Variants in CHAF1B observed in about 807,000 individuals in gnomAD.
CHAF1B encodes the protein chromatin assembly factor 1 subunit B.
In CHAF1B, 10 loss-of-function variants were observed where a neutral mutation model predicts 60.7. The ratio of observed to expected loss-of-function variants is 0.16; its 90% CI spans 0.10 to 0.28. The LOEUF is 0.28. CHAF1B is among the 10% of genes least tolerant of loss of function. CHAF1B has a pLI of 1.00. For missense variants in CHAF1B, 558 were observed against 708.4 expected (o/e 0.79, Z 2.41); for synonymous variants, 261 against 266.1 (o/e 0.98, Z 0.19).
chr21:36,400,335 C>T (rs866010911), intron 7 of CHAF1B, among the ~76,000 whole-genome samples: 19 of 150,786 alleles, frequency 1.3e-4, no homozygotes, highest in Non-Finnish European at 1.6e-4. Context: ...TAAAATTAGC[C>T]GGGTGCATGC....
intron 8 of CHAF1B, among the ~76,000 whole-genome samples, chr21:36,405,303 A>G (rs1448028973): frequency 1.3e-5 from 2 of 152,216 alleles, no homozygotes; most frequent in East Asian, 3.8e-4. Context: ...ATGGCTGGAT[A>G]TTATAAAATA....
At chr21:36,391,907 A>ATGTTTTT (rs2086092077) in intron 4 of CHAF1B, among the ~76,000 whole-genome samples, 1 of 67,052 alleles carries the variant, frequency 1.5e-5, no homozygotes, top group Non-Finnish European at 2.5e-5. Flanking sequence ...TGATTTTTAA[A>ATGTTTTT]TTTTTTTTTT....
At position 36,386,219 on chromosome 21, in the gene CHAF1B, G is replaced by A; in HGVS notation, c.83G>A (p.Arg28Lys). 1.9e-6 allele frequency: 3 copies of A among 1,614,212 alleles called. No individual in the cohort carries two copies. The highest frequency in any genetic ancestry group is 2.5e-6 in the Non-Finnish European group (3 of 1,180,030). ...GACTTCCAGCATGGGACGGCTGGGAGGATCCACAGACTGGCGTCTGCCGGC... is the reference window on the plus strand; with the variant it reads ...GACTTCCAGCATGGGACGGCTGGGAAGATCCACAGACTGGCGTCTGCCGGC... Reference protein sequence around the residue: ...SLDFQHGTAGRIHRLASAGVD... With the variant: ...SLDFQHGTAGKIHRLASAGVD... Residue 28 changes from arginine to lysine, a missense_variant, in exon 2 of 14, where the codon AGG becomes AAG. Arg to Lys is a conservative substitution (Grantham distance 26). Transcript: ENST00000314103.
chr21:36,398,458 C>T (rs2086161012), intron 6 of CHAF1B, among the ~76,000 whole-genome samples: 2 of 152,140 alleles, frequency 1.3e-5, no homozygotes. Context: ...CTCCTAGGTT[C>T]AAGCGATTCT....
chr21:36,415,854 G>A (rs775621829), intron 13 of CHAF1B: 4 of 356,194 alleles, frequency 1.1e-5, no homozygotes, highest in Non-Finnish European at 1.6e-5. Flanking sequence ...CCACGTTCAA[G>A]CAATTCTCCT....
rs771398554 is a variant in CHAF1B at position 36,397,455 on chromosome 21, C to A, written c.522C>A (p.Val174=). The A allele has an allele frequency of 5.1e-6, 8 of 1,565,240 alleles. No individual in the cohort carries two copies. The highest frequency in any genetic ancestry group is 7.0e-6 in the Non-Finnish European group (8 of 1,146,282). ...ISIFNEHKSY[V]QGVTWDPLGQ... The stretch of plus-strand genomic sequence containing the variant: ...TTTTTAATGAACATAAAAGTTATGT[C>A]CAAGGAGTAACCTGGGACCCTTTGG... Residue 174 remains valine (V), a synonymous_variant, in exon 6 of 14, where the codon GTC becomes GTA. Transcript: ENST00000314103.
At chr21:36,397,836 T>C (rs149432437) in intron 6 of CHAF1B, 1,704 of 160,938 alleles carry the variant, frequency 0.011, 34 homozygotes, top group African/African-American at 0.039. Context: ...CAAGCGATTC[T>C]CCTGTCTCAG....
Position 36,418,653 on chromosome 21 carries a change from A to G in CHAF1B, c.*2287A>G, listed in dbSNP as rs2086334952. On this transcript the variant is annotated 3_prime_UTR_variant, in exon 14 of 14. Transcript: ENST00000314103. ...CACTTGAGGTTGGGAGTTTGAGACC[A>G]GCCTGGCCAACATGGTGGAACCCCA... 1 of 152,104 alleles carries G rather than the reference A, an allele frequency of 6.6e-6. No homozygotes were observed. The highest frequency in any genetic ancestry group is 2.4e-5 in the African/African-American group (1 of 41,398). The allele number at this position is 152,104 out of a possible 1,614,324, so 9.4% of individuals were successfully genotyped here.
Position 36,413,146 on chromosome 21 carries a change from G to A in CHAF1B, c.1324G>A (p.Ala442Thr), listed in dbSNP as rs763354487. Residue 442 changes from alanine (A) to threonine (T), a missense_variant, in exon 12 of 14, where the codon GCC becomes ACC. Physicochemically the swap from Ala to Thr is moderately conservative, Grantham distance 58 (BLOSUM62 0). Around this residue, in one of 2 missense-constraint regions of CHAF1B, gnomAD observed 233 missense variants for 214.9 expected, o/e 1.08. Coordinates refer to ENST00000314103, the MANE Select transcript of CHAF1B (RefSeq NM_005441.3). ...TCCCCCTCAGGCCAGACAGGCCCCA[G>A]CCCCAACAGTCATCAGGGACCCTCC... is the stretch of plus-strand genomic sequence containing the variant. ...TTPPQARQAP[A>T]PTVIRDPPSI... 1.2e-6 allele frequency: 2 copies of A among 1,613,802 alleles called. No homozygotes were observed. The highest frequency in any genetic ancestry group is 1.7e-6 in the Non-Finnish European group (2 of 1,179,968).
intron 6 of CHAF1B, among the ~76,000 whole-genome samples, chr21:36,399,067 C>T (rs976385919): frequency 3.4e-5 from 5 of 145,974 alleles, no homozygotes; most frequent in Admixed American, 6.9e-5. Context: ...GACAGAATCT[C>T]GCTCTGTTGC....
rs540266062 is a variant in CHAF1B at position 36,390,748 on chromosome 21, C to T, written c.260-803C>T. ...AGGACTCACTGCAGCCTCCACCTCC[C>T]GGGCTCAAGTGATCCTCCCACCTCA... is the stretch of plus-strand genomic sequence containing the variant. On this transcript the variant is annotated intron_variant, in intron 3 of 13. Coordinates refer to ENST00000314103, the MANE Select transcript of CHAF1B (RefSeq NM_005441.3). Among the ~76,000 whole-genome samples, 14 of 152,280 alleles carry T rather than the reference C, an allele frequency of 9.2e-5. No individual in the cohort carries two copies. In the South Asian group the frequency reaches 1.0e-3, roughly 11 times the overall value.
intron 3 of CHAF1B, among the ~76,000 whole-genome samples, chr21:36,388,468 G>GTTT (rs1168454008): frequency 8.7e-5 from 11 of 126,342 alleles, no homozygotes; most frequent in Non-Finnish European, 8.3e-5. Flanking sequence ...GGCTTTGGGA[G>GTTT]TTTTTTTTTT....
At chr21:36,387,754 AT>A in intron 3 of CHAF1B, 24 bp downstream of exon 3, 1 of 1,610,610 alleles carries the variant, frequency 6.2e-7, no homozygotes, top group Admixed American at 1.7e-5. Context: ...TCCTTCAGAG[AT>A]TCTTCGGGAA....
intron 5 of CHAF1B, among the ~76,000 whole-genome samples, chr21:36,396,023 T>TG (rs1264094518): frequency 6.6e-6 from 1 of 151,486 alleles, no homozygotes; most frequent in Non-Finnish European, 1.5e-5. Context: ...TTATTTTAGA[T>TG]GGAGTCTCCC....
intron 3 of CHAF1B, among the ~76,000 whole-genome samples, chr21:36,389,771 G>A (rs1431459003): frequency 3.3e-5 from 4 of 119,424 alleles, no homozygotes; most frequent in African/African-American, 1.3e-4. Flanking sequence ...GTGTGTGTGT[G>A]TGTGTGTGTG....
At position 36,394,568 on chromosome 21, in the gene CHAF1B, T is replaced by C. The variant is rs371404730; in HGVS notation, c.399T>C (p.Tyr133=). ...CTAGGGGCCACTTAGAAGATGTGTA[T>C]GATATTTGCTGGGCAACTGATGGGA... ...KTLRGHLEDV[Y]DICWATDGNL... The change falls in exon 5 of 14, where the codon TAT becomes TAC. Residue 133 remains tyrosine (Y), a synonymous_variant. Coordinates refer to ENST00000314103, the MANE Select transcript of CHAF1B (RefSeq NM_005441.3). 16 of 1,613,364 alleles carry C rather than the reference T, an allele frequency of 9.9e-6. No homozygotes were observed. Among genetic ancestry groups the C allele is most frequent in the Middle Eastern group, 1.6e-4 (1 of 6,078 alleles).
Position 36,391,556 on chromosome 21 carries a change from G to T in CHAF1B, c.265G>T (p.Val89Phe). The change falls in exon 4 of 14, where the codon GTC becomes TTC. Residue 89 changes from valine (V) to phenylalanine (F), a missense_variant. Coordinates refer to ENST00000314103, the MANE Select transcript of CHAF1B (RefSeq NM_005441.3). ...EILASGGDDA[V>F]ILLWKVNDNK... is the part of the protein sequence containing the mutation. ...GTTACTGAATCACCCTGCAGATGCT[G>T]TCATCCTATTGTGGAAGGTGAATGA... 6.2e-7 allele frequency: 1 copy of T among 1,605,358 alleles called. No homozygotes were observed. The highest frequency in any genetic ancestry group is 8.5e-7 in the Non-Finnish European group (1 of 1,172,636).
intron 6 of CHAF1B, chr21:36,397,719 CTTTTTTTTTT>C (rs397866716): frequency 6.7e-5 from 9 of 133,924 alleles, no homozygotes; most frequent in South Asian, 2.0e-4. Context: ...CTTAGTAAAT[CTTTTTTTTTT>C]TTTTTTTTTT....
At chr21:36,412,823 T>C in intron 11 of CHAF1B, 61 bp from the exon 12 acceptor site, 1 of 1,517,768 alleles carries the variant, frequency 6.6e-7, no homozygotes. Flanking sequence ...AACTTCCCTC[T>C]TCTAAGTAGA....
Sources: gnomAD v4.1 joint callset for allele counts (sites outside exome capture counted in the v4.1 genomes callset) on GRCh38, gnomAD v4.1.1 for gene constraint, gnomAD v4.1.1 regional missense constraint, MANE v1.5 for transcripts, NCBI Gene and HGNC (gene_info 2026-07-23, HGNC 2026-07-21) for gene names.